The following CWC27 variants were observed in gnomAD, a reference collection of about 807,000 sequenced individuals.
CWC27 encodes the protein spliceosome-associated protein CWC27 homolog.
In CWC27, 47 loss-of-function variants were observed where a neutral mutation model predicts 63.6. The observed-to-expected ratio is 0.74, with a 90% confidence interval of 0.58 to 0.94. CWC27 has a LOEUF of 0.94. Among genes scored for constraint, CWC27 ranks in the 40% least tolerant of loss-of-function variants. The pLI, the probability that CWC27 is intolerant of heterozygous loss-of-function variation, is 0.00. For synonymous variants in CWC27, 175 were observed against 179.8 expected, an observed-to-expected ratio of 0.97 and a Z score of 0.22; for missense variants, 495 against 554.3, an observed-to-expected ratio of 0.89 and a Z score of 1.07.
At chr5:64,800,741 C>A (rs1317300863) in intron 8 of CWC27, among the ~76,000 whole-genome samples, 1 of 152,146 alleles carries the variant, frequency 6.6e-6, no homozygotes, top group African/African-American at 2.4e-5. Flanking sequence ...AGTCCACTGA[C>A]TATAAATTCT....
chr5:65,001,205 C>T (rs1257549229), intron 13 of CWC27, among the ~76,000 whole-genome samples: 1 of 151,998 alleles, frequency 6.6e-6, no homozygotes, highest in African/African-American at 2.4e-5. Flanking sequence ...CGCTTTCCAG[C>T]TCTAAAAGTG....
At chr5:64,787,745 G>C (rs1001166421) in intron 6 of CWC27, among the ~76,000 whole-genome samples, 1 of 151,824 alleles carries the variant, frequency 6.6e-6, no homozygotes, top group Non-Finnish European at 1.5e-5. Flanking sequence ...TTACTGAATC[G>C]TAGGATCCTT....
intron 10 of CWC27, among the ~76,000 whole-genome samples, chr5:64,825,100 A>G (rs1369470022): frequency 2.6e-5 from 4 of 152,158 alleles, no homozygotes; most frequent in African/African-American, 9.7e-5. Context: ...TTTAAGAAGT[A>G]AAAGAAAATG....
intron 11 of CWC27, among the ~76,000 whole-genome samples, chr5:64,940,597 A>G (rs759272816): frequency 1.3e-5 from 2 of 152,040 alleles, no homozygotes; most frequent in Non-Finnish European, 2.9e-5. Context: ...TAGTTTTAGT[A>G]TTCACCAGTG....
chr5:65,002,143 T>C (rs1749743096), intron 13 of CWC27, among the ~76,000 whole-genome samples: 2 of 152,106 alleles, frequency 1.3e-5, no homozygotes, highest in South Asian at 2.1e-4. Context: ...CTATTTCTGC[T>C]GTATTAATTA....
rs185780658 is a variant in CWC27 at position 64,933,518 on chromosome 5, G to A, written c.1043-38185G>A. Among the ~76,000 whole-genome samples the A allele has an allele frequency of 8.4e-3, 1,194 of 142,224 alleles. 12 individuals are homozygous for A. Among genetic ancestry groups the A allele is most frequent in the Non-Finnish European group, 0.01 (664 of 66,328 alleles). The allele number at this position is 142,224 out of a possible 152,430, so 93.3% of individuals were successfully genotyped here. ...CTCTTTTTTTTTTTTTTTTTGAGAC[G>A]GAGTCTCGCTGTCACCCAGGCTGGA... is the stretch of plus-strand genomic sequence containing the variant. On this transcript the variant is annotated intron_variant, in intron 11 of 13. Transcript: ENST00000381070.
At chr5:64,846,309 A>G (rs1238817753) in intron 10 of CWC27, among the ~76,000 whole-genome samples, 1 of 152,246 alleles carries the variant, frequency 6.6e-6, no homozygotes, top group Non-Finnish European at 1.5e-5. Flanking sequence ...TCAAAAAACA[A>G]AAATATTAAT....
intron 10 of CWC27, among the ~76,000 whole-genome samples, chr5:64,849,577 A>G (rs963992353): frequency 6.6e-6 from 1 of 152,060 alleles, no homozygotes; most frequent in Admixed American, 6.5e-5. Context: ...GTTTAAAAGT[A>G]TGCAGCACCT....
rs9291829 is a variant in CWC27 at position 64,955,679 on chromosome 5, C to T, written c.1043-16024C>T. Among the ~76,000 whole-genome samples, 401 of 151,824 alleles carry T rather than the reference C, an allele frequency of 2.6e-3. 2 individuals carry two copies. The highest frequency in any genetic ancestry group is 9.3e-3 in the African/African-American group (385 of 41,400). On this transcript the variant is annotated intron_variant, in intron 11 of 13. Coordinates refer to ENST00000381070, the MANE Select transcript of CWC27 (RefSeq NM_005869.4). ...TCAAAACTTAATTTGTCAGAGATGT[C>T]ATTAATCTGACATTAATCTGGTCTG...
chr5:64,774,704 C>G lies in CWC27; in HGVS notation c.56C>G (p.Thr19Ser), dbSNP rs1743379463. ...PPTNGKVLLK[T>S]TAGDIDIELW... The stretch of plus-strand genomic sequence containing the variant: ...TTCTTTCTACAGGTTTTATTGAAAA[C>G]TACAGCTGGAGATATTGACATAGAG... Residue 19 changes from threonine to serine, a missense_variant, in exon 2 of 14, where the codon ACT becomes AGT. Coordinates refer to ENST00000381070, the MANE Select transcript of CWC27 (RefSeq NM_005869.4). 1 of 1,571,308 alleles carries G rather than the reference C, an allele frequency of 6.4e-7. No individual in the cohort carries two copies. The highest frequency in any genetic ancestry group is 8.6e-7 in the Non-Finnish European group (1 of 1,161,320).
At chr5:64,879,830 G>T (rs1746893222) in intron 10 of CWC27, among the ~76,000 whole-genome samples, 1 of 150,858 alleles carries the variant, frequency 6.6e-6, no homozygotes, top group Admixed American at 6.6e-5. Flanking sequence ...TGAAAAAATT[G>T]AGGGAAAATA....
At chr5:64,809,977 T>A (rs1016749842) in intron 10 of CWC27, among the ~76,000 whole-genome samples, 12 of 152,170 alleles carry the variant, frequency 7.9e-5, no homozygotes, top group Middle Eastern at 3.4e-3. Context: ...CTGAGTCCAG[T>A]GTCATCAGGC....
rs769608992 is a variant in CWC27, at chr5:64,971,711, G to A, written c.1051G>A (p.Ala351Thr). ...ATTCTACTATTCTTTAGAGGAAGAA[G>A]CCCCTCCAGATGGTGCTGTTGCCGA... ...QAEKRSEEEE[A>T]PPDGAVAEYR... is the part of the protein sequence containing the mutation. Residue 351 changes from alanine (A) to threonine (T), a missense_variant, in exon 12 of 14, where the codon GCC (alanine) becomes ACC (threonine). Around this residue, in one of 3 missense-constraint regions of CWC27, gnomAD observed 463 missense variants for 498.1 expected, o/e 0.93. Transcript: ENST00000381070. The A allele has an allele frequency of 6.3e-7, 1 of 1,596,918 alleles. No individual in the cohort carries two copies. Among genetic ancestry groups the A allele is most frequent in the Non-Finnish European group, 8.5e-7 (1 of 1,173,516 alleles).
chr5:64,855,948 A>C (rs995237450), intron 10 of CWC27, among the ~76,000 whole-genome samples: 2 of 152,106 alleles, frequency 1.3e-5, no homozygotes, highest in African/African-American at 4.8e-5. Context: ...AGAAATCCAT[A>C]ATATGAACAA....
At chr5:64,990,025 T>C (rs1346190391) in intron 13 of CWC27, among the ~76,000 whole-genome samples, 1 of 152,138 alleles carries the variant, frequency 6.6e-6, no homozygotes, top group East Asian at 1.9e-4. Context: ...TATTTTACTC[T>C]AAAAGCTTGT....
rs1233787744 is a variant in CWC27, at chr5:64,942,454, A to AG, written c.1043-29249_1043-29248insG. 4.0e-3 allele frequency among the ~76,000 whole-genome samples: 610 copies of AG among 151,082 alleles called. 4 individuals are homozygous for AG. Among genetic ancestry groups the AG allele is most frequent in the Middle Eastern group, 0.027 (8 of 292 alleles). On this transcript the variant is annotated intron_variant, in intron 11 of 13. Transcript: ENST00000381070. ...CTATCTCTTTAAAAAAAAAAAAAAAAAAAAAAGATAAAAGAAAAACATTGC... is the reference window on the plus strand; with the variant it reads ...CTATCTCTTTAAAAAAAAAAAAAAAAGAAAAAAGATAAAAGAAAAACATTGC...
intron 11 of CWC27, among the ~76,000 whole-genome samples, chr5:64,952,753 C>CT (rs971789438): frequency 5.3e-5 from 8 of 152,040 alleles, no homozygotes; most frequent in African/African-American, 1.9e-4. Context: ...ACTAGACACT[C>CT]TATTACTACA....
intron 13 of CWC27, among the ~76,000 whole-genome samples, chr5:65,006,756 C>T (rs532528259): frequency 4.3e-4 from 65 of 151,876 alleles, no homozygotes; most frequent in African/African-American, 1.5e-3. Flanking sequence ...GTATGGATTA[C>T]GCATGGTGAC....
chr5:64,769,292 C>A, intron 1 of CWC27, 104 bp downstream of exon 1: 3 of 969,300 alleles, frequency 3.1e-6, no homozygotes, highest in Non-Finnish European at 5.0e-6. Context: ...TAGGAAGAGA[C>A]CACGAGAAGT....
Sources: gnomAD v4.1 joint callset for allele counts (sites outside exome capture counted in the v4.1 genomes callset) on GRCh38, gnomAD v4.1.1 for gene constraint, gnomAD v4.1.1 regional missense constraint, MANE v1.5 for transcripts, NCBI Gene and HGNC (gene_info 2026-07-23, HGNC 2026-07-21) for gene names.